Variants in CTBP2 observed in about 807,000 individuals in gnomAD.
The protein encoded by CTBP2 is C-terminal binding protein 2, also known as C-terminal-binding protein 2.
A neutral mutation model predicts 80.3 loss-of-function variants in CTBP2; 30 were observed. The ratio of observed to expected loss-of-function variants is 0.37; its 90% confidence interval spans 0.28 to 0.51. The LOEUF (loss-of-function observed/expected upper bound fraction) is 0.51. Ranked by LOEUF, CTBP2 falls within the 20% of genes least tolerant of loss-of-function variation. The probability of loss-of-function intolerance (pLI) is 0.93; values close to 1 mark genes in which losing one functional copy is unlikely to be tolerated. For missense variants in CTBP2, 1,212 were observed against 1,375.3 expected, an observed-to-expected ratio of 0.88 and a Z score of 1.88; for synonymous variants, 594 against 587.4, an observed-to-expected ratio of 1.01 and a Z score of -0.16.
At chr10:124,993,759 A>T in intron 6 of CTBP2, 96 bp downstream of exon 8, 1 of 1,422,114 alleles carries the variant, frequency 7.0e-7, no homozygotes, top group Non-Finnish European at 9.5e-7. Context: ...CTGCCCAGGG[A>T]CCTGTTTGGG....
chr10:125,005,343 C>T (rs955174325), intron 1 of CTBP2, among the ~76,000 whole-genome samples: 1 of 152,202 alleles, frequency 6.6e-6, no homozygotes, highest in South Asian at 2.1e-4. Context: ...TGGCCCCTCT[C>T]AGCCCTGAGC....
intron 3 of CTBP2, chr10:124,999,675 C>A (rs1050128739): frequency 6.6e-6 from 1 of 152,252 alleles, no homozygotes; most frequent in Admixed American, 6.5e-5. Context: ...TGACTGAGGC[C>A]GACCAACTTT....
intron 2 of CTBP2, chr10:125,100,862 T>A (rs1350475408): frequency 1.3e-5 from 2 of 152,232 alleles, no homozygotes; most frequent in Non-Finnish European, 2.9e-5. Context: ...CACAATACTG[T>A]ATTTTAAATG....
Position 125,112,489 on chromosome 10 carries a change from C to T in CTBP2, c.-205-1396G>A, listed in dbSNP as rs528700355. Among the ~76,000 whole-genome samples, 236 of 148,314 alleles carry T rather than the reference C, an allele frequency of 1.6e-3. 2 individuals are homozygous for T. The highest frequency in any genetic ancestry group is 2.7e-3 in the Non-Finnish European group (181 of 67,554). On this transcript the variant is annotated intron_variant, in intron 1 of 10. Transcript: ENST00000337195. ...TGTCACCCAGGCTGGAGTGCAATGG[C>T]GCCGTCTCGGCTCACTGCAACCTCC...
intron 1 of CTBP2, among the ~76,000 whole-genome samples, chr10:125,121,983 C>A (rs1169368746): frequency 6.6e-6 from 1 of 152,180 alleles, no homozygotes. Context: ...GACCAACCTG[C>A]GGCCCACCCT....
In CTBP2 at chr10:125,141,000, C is replaced by A. The variant is rs117587272; in HGVS notation, c.-206+19319G>T. On this transcript the variant is annotated intron_variant, in intron 1 of 10. Coordinates refer to the CTBP2 transcript ENST00000337195. ...ACTAAAAATACAAAAATTAGCCAGG[C>A]CTGACAGACTGGCTGTAATCCCGGC... Among the ~76,000 whole-genome samples, 69 of 151,602 alleles carry A rather than the reference C, an allele frequency of 4.6e-4. No homozygotes were observed. The East Asian group carries it at 9.9e-3, about 22-fold the overall frequency.
chr10:125,014,826 T>C (rs1339889661), intron 1 of CTBP2, among the ~76,000 whole-genome samples: 7 of 152,220 alleles, frequency 4.6e-5, no homozygotes. Flanking sequence ...ATCCAGGCTC[T>C]CCAGGTTGAG....
intron 3 of CTBP2, among the ~76,000 whole-genome samples, chr10:125,036,358 G>A (rs4962421): frequency 0.2 from 29,901 of 152,086 alleles, 3,664 homozygotes; most frequent in East Asian, 0.28. Context: ...CTTGATGTTG[G>A]CATTGTGTAG....
chr10:125,133,508 T>A (rs1318720984), intron 1 of CTBP2: 1 of 152,286 alleles, frequency 6.6e-6, no homozygotes, highest in Non-Finnish European at 1.5e-5. Flanking sequence ...GGAAACAGGC[T>A]CACGCGCTGG....
chr10:125,140,192 C>T (rs978031337), intron 1 of CTBP2, among the ~76,000 whole-genome samples: 6 of 151,998 alleles, frequency 3.9e-5, no homozygotes, highest in African/African-American at 1.5e-4. Context: ...AGACGACCAC[C>T]CAGAAGAAGC....
At position 124,994,697 on chromosome 10, in the gene CTBP2, G is replaced by C. The variant is rs768845355; in HGVS notation, c.2186-14C>G. ...GCCCCGTGCGACCTGTACAGAAACAGAGCGTCCAGGTGAGTGAGTCCACAG... is the reference window on the plus strand; with the variant it reads ...GCCCCGTGCGACCTGTACAGAAACACAGCGTCCAGGTGAGTGAGTCCACAG... On this transcript the variant is annotated splice_polypyrimidine_tract_variant and intron_variant, in intron 4 of 8. Coordinates refer to ENST00000309035, the MANE Select transcript of CTBP2 (RefSeq NM_022802.3). 1.9e-6 allele frequency: 3 copies of C among 1,613,720 alleles called. No homozygotes were observed. The highest frequency in any genetic ancestry group is 1.7e-5 in the Admixed American group (1 of 60,012).
At chr10:124,992,602 G>C in intron 8 of CTBP2, 93 bp downstream of exon 10, 2 of 777,206 alleles carry the variant, frequency 2.6e-6, no homozygotes, top group South Asian at 1.7e-5. Flanking sequence ...TAGCATCTGC[G>C]GGAGGTTAAG....
chr10:125,098,157 T>G (rs1441100662), intron 2 of CTBP2, among the ~76,000 whole-genome samples: 1 of 152,098 alleles, frequency 6.6e-6, no homozygotes, highest in Non-Finnish European at 1.5e-5. Context: ...ACAATACCAG[T>G]AACAGCAGCA....
intron 2 of CTBP2, among the ~76,000 whole-genome samples, chr10:125,083,805 G>A (rs190372267): frequency 4.6e-5 from 7 of 152,170 alleles, no homozygotes; most frequent in African/African-American, 1.2e-4. Context: ...TTTTTGAGAC[G>A]GAGTCTTGCT....
chr10:125,130,939 G>A (rs1856072434), intron 1 of CTBP2, among the ~76,000 whole-genome samples: 1 of 152,206 alleles, frequency 6.6e-6, no homozygotes, highest in Non-Finnish European at 1.5e-5. Flanking sequence ...CCGACCCACT[G>A]TATCTCAAAT....
intron 1 of CTBP2, among the ~76,000 whole-genome samples, chr10:125,115,508 G>GT (rs1484177224): frequency 6.6e-6 from 1 of 152,176 alleles, no homozygotes; most frequent in Non-Finnish European, 1.5e-5. Context: ...TGATTTGGAG[G>GT]TAACAGCATC....
At chr10:125,022,117 C>T (rs527477086) in intron 1 of CTBP2, among the ~76,000 whole-genome samples, 2 of 152,384 alleles carry the variant, frequency 1.3e-5, no homozygotes, top group South Asian at 2.1e-4. Context: ...ATCTGCCCCA[C>T]GCCGGCCTGG....
chr10:124,997,956 G>T lies in CTBP2; in HGVS notation c.2185+8C>A. ...GGGTTGGGGGTCAGCGCAGAGGGTGGCACGTACCAAAGCCAATGAGGCCCA... is the reference window on the plus strand; with the variant it reads ...GGGTTGGGGGTCAGCGCAGAGGGTGTCACGTACCAAAGCCAATGAGGCCCA... On this transcript the variant is annotated splice_region_variant and intron_variant, in intron 4 of 8. Transcript: ENST00000309035. 1 of 1,609,822 alleles carries T rather than the reference G, an allele frequency of 6.2e-7. No individual in the cohort carries two copies. Among genetic ancestry groups the T allele is most frequent in the Non-Finnish European group, 8.5e-7 (1 of 1,178,924 alleles).
rs143281706 is a variant in CTBP2 at position 125,026,996 on chromosome 10, C to T, written c.764G>A (p.Arg255His). 9.0e-5 allele frequency: 146 copies of T among 1,613,968 alleles called. No individual in the cohort carries two copies. The highest frequency in any genetic ancestry group is 4.9e-4 in the Middle Eastern group (3 of 6,062). Residue 255 changes from arginine to histidine, a missense_variant, in exon 1 of 9, where the codon CGT becomes CAT. Transcript: ENST00000309035. The stretch of plus-strand genomic sequence containing the variant: ...GCTTTCCCGGGCAGGCCCGTAGCCA[C>T]GATTCAGGGCCCCTGGGGCCACCCC...
Sources: allele counts gnomAD v4.1 joint callset (sites outside exome capture counted in the v4.1 genomes callset), GRCh38; gene constraint gnomAD v4.1.1; transcripts MANE v1.5; gene names NCBI Gene and HGNC (gene_info 2026-07-23, HGNC 2026-07-21).